Variants in PATJ observed in about 807,000 individuals in gnomAD.
The protein encoded by PATJ is PATJ crumbs cell polarity complex component.
PATJ carries 190 observed loss-of-function variants against 224.9 expected under a neutral mutation model. The ratio of observed to expected loss-of-function variants is 0.84; its 90% CI spans 0.75 to 0.95. The LOEUF is 0.95. Ranked by LOEUF, PATJ falls within the 40% of genes least tolerant of loss-of-function variation. The pLI is 0.00. For missense variants in PATJ, 2,121 were observed against 2,270.3 expected (o/e 0.93, Z 1.34); for synonymous variants, 769 against 820.3 (o/e 0.94, Z 1.07).
chr1:61,959,439 C>CTT (rs1207583070), intron 27 of PATJ, among the ~76,000 whole-genome samples: 5 of 97,580 alleles, frequency 5.1e-5, no homozygotes, highest in Admixed American at 1.1e-4. Flanking sequence ...TTTTTCTTTT[C>CTT]TTTTTTTTTT....
At chr1:62,119,041 A>G (rs930911623) in intron 37 of PATJ, among the ~76,000 whole-genome samples, 1 of 152,074 alleles carries the variant, frequency 6.6e-6, no homozygotes, top group Non-Finnish European at 1.5e-5. Flanking sequence ...CTTACCTGGT[A>G]TATGAATGTG....
At chr1:61,913,640 A>G (rs1313404855) in intron 25 of PATJ, among the ~76,000 whole-genome samples, 1 of 152,202 alleles carries the variant, frequency 6.6e-6, no homozygotes, top group Non-Finnish European at 1.5e-5. Flanking sequence ...ATGTACAGCT[A>G]TGTATTAGGC....
Position 61,914,598 on chromosome 1 carries a change from C to G in PATJ, c.3504C>G (p.Asn1168Lys). ...SLSSTPRVIP[N>K]VHNKANKITG... Reference sequence around the variant, plus strand: ...TTTTGTCACCATAGGTCATTCCTAACGTACATAACAAGGCCAACAAAATCA... The same window carrying G: ...TTTTGTCACCATAGGTCATTCCTAAGGTACATAACAAGGCCAACAAAATCA... Residue 1168 changes from asparagine (N) to lysine (K), a missense_variant, in exon 26 of 44, where the codon AAC (asparagine) becomes AAG (lysine). Transcript: ENST00000642238. 6.5e-7 allele frequency: 1 copy of G among 1,531,310 alleles called. No individual in the cohort carries two copies. The highest frequency in any genetic ancestry group is 9.0e-7 in the Non-Finnish European group (1 of 1,107,756). 94.9% of individuals were successfully genotyped at this position (1,531,310 alleles called of 1,614,324 possible). A position where few individuals can be genotyped will look rare whatever the true frequency, so the allele number is the denominator to read the frequency against.
chr1:62,088,367 T>C (rs1660298544), intron 33 of PATJ, among the ~76,000 whole-genome samples: 1 of 152,160 alleles, frequency 6.6e-6, no homozygotes, highest in Non-Finnish European at 1.5e-5. Flanking sequence ...TCTCGGACTT[T>C]GCCCTGCTCC....
chr1:62,011,239 C>G (rs1212853761), intron 28 of PATJ, among the ~76,000 whole-genome samples: 2 of 152,210 alleles, frequency 1.3e-5, no homozygotes, highest in Non-Finnish European at 2.9e-5. Flanking sequence ...ACAGGCCTAG[C>G]TTTCAGCTTA....
At chr1:62,116,817 T>G in intron 36 of PATJ, 138 bp downstream of exon 36, 1 of 840,440 alleles carries the variant, frequency 1.2e-6, no homozygotes, top group Non-Finnish European at 1.8e-6. Flanking sequence ...TCTGATTATT[T>G]TAAATGAGCC....
At chr1:61,926,574 A>G (rs1052895941) in intron 26 of PATJ, among the ~76,000 whole-genome samples, 1 of 152,200 alleles carries the variant, frequency 6.6e-6, no homozygotes, top group African/African-American at 2.4e-5. Flanking sequence ...TCAACTTACA[A>G]GAATTAAAGA....
rs753912855 is a variant in PATJ at position 61,766,416 on chromosome 1, G to A, written c.327G>A (p.Pro109=). Residue 109 remains proline (P), a synonymous_variant, in exon 4 of 44, where the codon CCG becomes CCA. Transcript: ENST00000642238. ...ACTCGACTGTATCTGGGTTATTTCC[G>A]TGGACCCCGAAGTTGGGAAATGAAG... is the stretch of plus-strand genomic sequence containing the variant. ...SNNSTVSGLF[P]WTPKLGNEDF... 1.8e-5 allele frequency: 29 copies of A among 1,611,316 alleles called. No individual in the cohort carries two copies. Among genetic ancestry groups the A allele is most frequent in the Admixed American group, 8.4e-5 (5 of 59,346 alleles).
At position 62,153,448 on chromosome 1, in the gene PATJ, C is replaced by T; in HGVS notation, c.5469C>T (p.Asp1823=). 2 of 1,231,550 alleles carry T rather than the reference C, an allele frequency of 1.6e-6. No individual in the cohort carries two copies. The highest frequency in any genetic ancestry group is 3.1e-5 in the African/African-American group (2 of 64,500). The allele number at this position is 1,231,550 out of a possible 1,614,324, so 76.3% of individuals were successfully genotyped here. Residue 1823 remains aspartate (D), a synonymous_variant, in exon 43 of 44, where the codon GAC becomes GAT. Coordinates refer to ENST00000642238, the MANE Select transcript of PATJ (RefSeq NM_001350145.3). The part of the protein sequence containing the change: ...IVGGYGSPHG[D]LPIYVKTVFA... Reference sequence around the variant, plus strand: ...GGGGTTATGGAAGTCCCCATGGAGACCTGCCAATTTATGTCAAGACTGTAT... The same window carrying T: ...GGGGTTATGGAAGTCCCCATGGAGATCTGCCAATTTATGTCAAGACTGTAT...
At chr1:61,980,652 A>G (rs933028554) in intron 27 of PATJ, among the ~76,000 whole-genome samples, 4 of 152,022 alleles carry the variant, frequency 2.6e-5, no homozygotes, top group African/African-American at 9.7e-5. Context: ...ACCATTCTCT[A>G]TACATTTTCT....
Position 61,762,920 on chromosome 1 carries a change from C to A in PATJ, c.22+6C>A. On this transcript the variant is annotated splice_donor_region_variant and intron_variant, in intron 2 of 43. Coordinates refer to ENST00000642238, the MANE Select transcript of PATJ (RefSeq NM_001350145.3). ...GCCTGAAAATCCTGCTACAGGTATA[C>A]TGGATATATTGTTCTATAATTAAAT... is the stretch of plus-strand genomic sequence containing the variant. 6.5e-7 allele frequency: 1 copy of A among 1,540,860 alleles called. No individual in the cohort carries two copies.
At chr1:62,094,099 T>TA (rs1408893358) in intron 33 of PATJ, among the ~76,000 whole-genome samples, 4 of 152,242 alleles carry the variant, frequency 2.6e-5, no homozygotes, top group South Asian at 2.1e-4. Flanking sequence ...TCCATTGCAT[T>TA]AAAAAACACA....
intron 1 of PATJ, among the ~76,000 whole-genome samples, chr1:61,751,463 G>A (rs542940970): frequency 1.3e-5 from 2 of 152,236 alleles, no homozygotes; most frequent in African/African-American, 2.4e-5. Context: ...ACCTCTAAGT[G>A]TGAAAATTGC....
At chr1:61,935,087 CATTCATTCTTTCA>C (rs58042646) in intron 27 of PATJ, among the ~76,000 whole-genome samples, 4,714 of 149,004 alleles carry the variant, frequency 0.032, 275 homozygotes, top group African/African-American at 0.12. Context: ...AACCTGCAAG[CATTCATTCTTTCA>C]GCGACATTTT....
intron 14 of PATJ, among the ~76,000 whole-genome samples, chr1:61,815,000 G>C (rs1479718255): frequency 6.6e-6 from 1 of 152,190 alleles, no homozygotes; most frequent in African/African-American, 2.4e-5. Context: ...ATAGAGCTTA[G>C]ATTCTGCGAT....
intron 41 of PATJ, among the ~76,000 whole-genome samples, chr1:62,147,366 T>G (rs1006091976): frequency 2.8e-4 from 43 of 151,814 alleles, no homozygotes; most frequent in Non-Finnish European, 5.9e-5. Flanking sequence ...ATGAAGAAAA[T>G]AGTTGAAGGC....
At chr1:61,792,303 A>G (rs1343609201) in intron 9 of PATJ, among the ~76,000 whole-genome samples, 4 of 152,198 alleles carry the variant, frequency 2.6e-5, no homozygotes, top group African/African-American at 9.6e-5. Context: ...TCAGAATTTA[A>G]TGACATTCAA....
At chr1:62,011,403 C>T (rs12567320) in intron 28 of PATJ, among the ~76,000 whole-genome samples, 1 of 151,834 alleles carries the variant, frequency 6.6e-6, no homozygotes, top group Non-Finnish European at 1.5e-5. Flanking sequence ...GTCTTGGAAT[C>T]GGAAGGCCTC....
chr1:62,087,906 T>C lies in PATJ; in HGVS notation c.4377+3258T>C, dbSNP rs1005478038. Reference sequence around the variant, plus strand: ...TAATTCTTTGTAATTTTTTTTTTTTTTTGAGACGGAGTTTCGCTCTCCTTG... The same window carrying C: ...TAATTCTTTGTAATTTTTTTTTTTTCTTGAGACGGAGTTTCGCTCTCCTTG... On this transcript the variant is annotated intron_variant, in intron 33 of 43. Coordinates refer to ENST00000642238, the MANE Select transcript of PATJ (RefSeq NM_001350145.3). Among the ~76,000 whole-genome samples the C allele has an allele frequency of 4.8e-4, 73 of 151,910 alleles. 1 individual carries two copies. The highest frequency in any genetic ancestry group is 2.5e-3 in the Admixed American group (38 of 15,246).
Sources: allele counts gnomAD v4.1 joint callset (sites outside exome capture counted in the v4.1 genomes callset), GRCh38; gene constraint gnomAD v4.1.1; transcripts MANE v1.5; gene names NCBI Gene and HGNC (gene_info 2026-07-23, HGNC 2026-07-21).